Variants in STAG1 observed in about 807,000 individuals in gnomAD.
STAG1 encodes the protein STAG1 cohesin complex component, also known as cohesin subunit SA-1.
A neutral mutation model predicts 170.9 loss-of-function variants in STAG1; 26 were observed. That is an observed-to-expected ratio of 0.15 (90% CI 0.11 to 0.21). The LOEUF (loss-of-function observed/expected upper bound fraction) is 0.21. Among genes scored for constraint, STAG1 ranks in the 10% least tolerant of loss-of-function variants. STAG1 has a pLI of 1.00. For synonymous variants in STAG1, 514 were observed against 497.7 expected (o/e 1.03, Z -0.44); for missense variants, 964 against 1,509.5 (o/e 0.64, Z 5.99).
At chr3:136,373,312 T>A (rs1388298866) in intron 23 of STAG1, among the ~76,000 whole-genome samples, 1 of 152,208 alleles carries the variant, frequency 6.6e-6, no homozygotes, top group Non-Finnish European at 1.5e-5. Context: ...CCTGGATTCA[T>A]TGATTTTTTG....
At chr3:136,737,093 A>G (rs1240683678) in intron 1 of STAG1, 1 of 929,184 alleles carries the variant, frequency 1.1e-6, no homozygotes, top group Non-Finnish European at 1.8e-6. Flanking sequence ...AAGAGGAACC[A>G]GGACAGGTCA....
intron 21 of STAG1, among the ~76,000 whole-genome samples, chr3:136,414,441 G>T (rs2087715779): frequency 6.6e-6 from 1 of 152,130 alleles, no homozygotes; most frequent in South Asian, 2.1e-4. Context: ...CTTCAAGTTT[G>T]AGCAGGAGAT....
At chr3:136,662,504 C>T (rs369258747) in intron 1 of STAG1, among the ~76,000 whole-genome samples, 8 of 152,050 alleles carry the variant, frequency 5.3e-5, no homozygotes, top group Admixed American at 2.0e-4. Context: ...AGTGTGCTAG[C>T]GCAATCATGA....
chr3:136,557,222 G>A (rs1198984150), intron 5 of STAG1, among the ~76,000 whole-genome samples: 1 of 151,778 alleles, frequency 6.6e-6, no homozygotes, highest in Non-Finnish European at 1.5e-5. Context: ...TGGGTTACAG[G>A]GTGAGACACC....
chr3:136,692,339 A>AAAAAG (rs1942755022), intron 1 of STAG1, among the ~76,000 whole-genome samples: 1 of 143,074 alleles, frequency 7.0e-6, no homozygotes, highest in African/African-American at 2.6e-5. Flanking sequence ...AAAAAAAAAA[A>AAAAAG]GTCAATTGCA....
At chr3:136,727,266 C>T (rs1371592167) in intron 1 of STAG1, among the ~76,000 whole-genome samples, 1 of 152,096 alleles carries the variant, frequency 6.6e-6, no homozygotes, top group Non-Finnish European at 1.5e-5. Flanking sequence ...CAGTGATAAT[C>T]CCAGCACCAC....
At chr3:136,418,943 T>C (rs958596078) in intron 20 of STAG1, among the ~76,000 whole-genome samples, 1 of 152,166 alleles carries the variant, frequency 6.6e-6, no homozygotes, top group Non-Finnish European at 1.5e-5. Flanking sequence ...GTCAGGCCTA[T>C]TTAAAAGTAC....
chr3:136,645,014 A>C (rs1334056272), intron 1 of STAG1, among the ~76,000 whole-genome samples: 1 of 152,128 alleles, frequency 6.6e-6, no homozygotes, highest in Non-Finnish European at 1.5e-5. Flanking sequence ...ACAGGTGTGA[A>C]TCACCATGCC....
intron 21 of STAG1, among the ~76,000 whole-genome samples, chr3:136,406,848 A>AAAGAATTG (rs2087498964): frequency 6.6e-6 from 1 of 152,210 alleles, no homozygotes; most frequent in Non-Finnish European, 1.5e-5. Flanking sequence ...TTAAAGAATT[A>AAAGAATTG]AAAGATTTCC....
intron 7 of STAG1, among the ~76,000 whole-genome samples, chr3:136,513,951 T>C (rs538386427): frequency 3.1e-4 from 47 of 152,102 alleles, no homozygotes; most frequent in Non-Finnish European, 6.5e-4. Flanking sequence ...AGTCAAAAAT[T>C]TGATCAGAAC....
At chr3:136,534,525 A>C (rs926247748) in intron 6 of STAG1, among the ~76,000 whole-genome samples, 8 of 152,168 alleles carry the variant, frequency 5.3e-5, no homozygotes, top group African/African-American at 1.9e-4. Flanking sequence ...ACAGAAGACT[A>C]ATACTGAAAA....
chr3:136,480,674 T>C (rs937806774), intron 9 of STAG1, among the ~76,000 whole-genome samples: 1 of 53,812 alleles, frequency 1.9e-5, no homozygotes, highest in Non-Finnish European at 4.2e-5. Flanking sequence ...TTGGGCAGTA[T>C]GGCCATTTTC....
At chr3:136,685,537 AACTG>A (rs1023693243) in intron 1 of STAG1, among the ~76,000 whole-genome samples, 6 of 152,228 alleles carry the variant, frequency 3.9e-5, no homozygotes, top group African/African-American at 1.2e-4. Flanking sequence ...CTTTACACAC[AACTG>A]ACTGACAAAA....
intron 15 of STAG1, among the ~76,000 whole-genome samples, chr3:136,439,389 GACAC>G (rs753912835): frequency 0.046 from 4,365 of 95,784 alleles, 85 homozygotes; most frequent in Middle Eastern, 0.068. Context: ...AACACCCCCC[GACAC>G]ACACACACAC....
intron 9 of STAG1, among the ~76,000 whole-genome samples, chr3:136,494,003 G>T (rs1307211678): frequency 6.6e-6 from 1 of 152,176 alleles, no homozygotes; most frequent in Non-Finnish European, 1.5e-5. Flanking sequence ...GGGCGCAGTG[G>T]CTCACACCTA....
intron 1 of STAG1, among the ~76,000 whole-genome samples, chr3:136,666,930 G>A (rs1941803822): frequency 6.6e-6 from 1 of 152,024 alleles, no homozygotes; most frequent in Admixed American, 6.6e-5. Flanking sequence ...AGACAGCTGA[G>A]CATCTAGAAA....
intron 1 of STAG1, among the ~76,000 whole-genome samples, chr3:136,678,899 C>T (rs1168161798): frequency 7.3e-6 from 1 of 136,068 alleles, no homozygotes; most frequent in East Asian, 2.1e-4. Flanking sequence ...AAAAAACAAT[C>T]AGGCATGATG....
rs560645134 is a variant in STAG1 at position 136,461,327 on chromosome 3, G to C, written c.1313+3554C>G. On this transcript the variant is annotated intron_variant, in intron 13 of 33. Transcript: ENST00000383202. ...AACATAGTACTAAAAGTCCTAGTCA[G>C]AGCAGTTAGGCAAGAGAATGAAATA... Among the ~76,000 whole-genome samples, 18 of 152,282 alleles carry C rather than the reference G, an allele frequency of 1.2e-4. No homozygotes were observed. The East Asian group carries it at 3.5e-3, about 29-fold the overall frequency.
chr3:136,569,209 C>T (rs1485586444), intron 4 of STAG1, among the ~76,000 whole-genome samples: 3 of 151,878 alleles, frequency 2.0e-5, no homozygotes, highest in African/African-American at 7.2e-5. Context: ...TACAAACTTT[C>T]TGAGTTATCA....
Sources: allele counts gnomAD v4.1 joint callset (sites outside exome capture counted in the v4.1 genomes callset), GRCh38; gene constraint gnomAD v4.1.1; transcripts MANE v1.5; gene names NCBI Gene and HGNC (gene_info 2026-07-23, HGNC 2026-07-21).